The following PCDHA5 variants were observed in gnomAD, a reference collection of about 807,000 sequenced individuals.
PCDHA5 encodes protocadherin alpha-5.
Under a neutral mutation model 61.6 loss-of-function variants are expected in PCDHA5, and 43 were observed. The ratio of observed to expected loss-of-function variants is 0.70; its 90% CI spans 0.55 to 0.90. The LOEUF is 0.90. PCDHA5 is among the 40% of genes least tolerant of loss of function. The probability of loss-of-function intolerance (pLI) is 0.00; values close to 1 mark genes in which losing one functional copy is unlikely to be tolerated. For missense variants in PCDHA5, 1,298 were observed against 1,222.7 expected (o/e 1.06, Z -0.92); for synonymous variants, 627 against 543.9 (o/e 1.15, Z -2.13).
In PCDHA5 at chr5:140,857,765, G is replaced by A. The variant is rs374400381; in HGVS notation, c.2352+33638G>A. The stretch of plus-strand genomic sequence containing the variant: ...GCTGGCGTCTCCCGCTGGCAGCGCG[G>A]GCGGTGCAGTCAGTGAGCTGGTGCT... On this transcript the variant is annotated intron_variant, in intron 1 of 3. Coordinates refer to ENST00000529859, the MANE Select transcript of PCDHA5 (RefSeq NM_018908.3). The A allele has an allele frequency of 6.1e-5, 98 of 1,597,608 alleles. 8 individuals are homozygous for A. In the African/African-American group the frequency reaches 1.2e-3, roughly 19 times the overall value.
At chr5:140,929,268 A>G (rs1303371377) in intron 1 of PCDHA5, 1 of 1,611,476 alleles carries the variant, frequency 6.2e-7, no homozygotes, top group Non-Finnish European at 8.5e-7. Flanking sequence ...TGAATTTGCC[A>G]ATATCCTGTA....
intron 1 of PCDHA5, chr5:140,829,848 G>A (rs1406013217): frequency 6.2e-7 from 1 of 1,613,964 alleles, no homozygotes; most frequent in Admixed American, 1.7e-5. Flanking sequence ...CGGTCACTGG[G>A]TGCAGGCCAA....
chr5:140,852,688 T>G, intron 1 of PCDHA5: 1 of 971,908 alleles, frequency 1.0e-6, no homozygotes, highest in Non-Finnish European at 1.2e-6. Flanking sequence ...GAATATAGTC[T>G]TATACTTTCA....
intron 1 of PCDHA5, chr5:140,857,163 G>A: frequency 1.3e-6 from 2 of 1,598,406 alleles, no homozygotes; most frequent in Non-Finnish European, 1.7e-6. Flanking sequence ...GCCCTAATCA[G>A]CGTTTCTGAC....
rs183715022 is a variant in PCDHA5 at position 140,950,136 on chromosome 5, A to G, written c.2353-28813A>G. Among the ~76,000 whole-genome samples, 19 of 152,068 alleles carry G rather than the reference A, an allele frequency of 1.2e-4. No individual in the cohort carries two copies. The East Asian group carries it at 3.7e-3, about 29-fold the overall frequency. ...AATACAAAACCCACAAGACACAGTT[A>G]TAATTTTTGTTTAAGCAGTTATTAT... On this transcript the variant is annotated intron_variant, in intron 1 of 3. Transcript: ENST00000529859.
At chr5:140,829,438 T>C (rs2150167889) in intron 1 of PCDHA5, 279 of 1,613,934 alleles carry the variant, frequency 1.7e-4, no homozygotes, top group African/African-American at 8.9e-4. Context: ...CCGACATGAA[T>C]GACAATGCTC....
intron 1 of PCDHA5, chr5:140,856,495 T>C: frequency 6.3e-7 from 1 of 1,598,444 alleles, no homozygotes; most frequent in South Asian, 1.1e-5. Context: ...TGCTTGACTC[T>C]CGATTTCCAC....
At chr5:140,830,038 G>A (rs2150180087) in intron 1 of PCDHA5, 1 of 1,613,882 alleles carries the variant, frequency 6.2e-7, no homozygotes, top group Admixed American at 1.7e-5. Flanking sequence ...GGCTGCTGGT[G>A]CTGGTGAAAG....
At chr5:140,957,373 T>G (rs906109440) in intron 1 of PCDHA5, among the ~76,000 whole-genome samples, 1 of 152,192 alleles carries the variant, frequency 6.6e-6, no homozygotes, top group Non-Finnish European at 1.5e-5. Flanking sequence ...ACTTTTATTA[T>G]AGTGTATTGT....
At chr5:140,861,503 C>A in intron 1 of PCDHA5, 1 of 478,536 alleles carries the variant, frequency 2.1e-6, no homozygotes, top group Non-Finnish European at 4.3e-6. Context: ...TGATAGACCT[C>A]GAGGAGCTGT....
At chr5:140,866,951 G>C (rs1207354253) in intron 1 of PCDHA5, 1 of 152,106 alleles carries the variant, frequency 6.6e-6, no homozygotes, top group African/African-American at 2.4e-5. Flanking sequence ...CTAGGGGCTG[G>C]TTGAGATGGT....
intron 1 of PCDHA5, among the ~76,000 whole-genome samples, chr5:140,971,297 T>C (rs1246980755): frequency 4.6e-5 from 7 of 152,222 alleles, no homozygotes; most frequent in Non-Finnish European, 1.0e-4. Context: ...TGTACTTTGG[T>C]ACACAAACAT....
At chr5:140,977,342 T>A (rs1554238451) in intron 1 of PCDHA5, among the ~76,000 whole-genome samples, 1 of 152,222 alleles carries the variant, frequency 6.6e-6, no homozygotes, top group South Asian at 2.1e-4. Context: ...GAGACGGTGA[T>A]GATGACTGAT....
At chr5:140,839,582 G>T (rs965029185) in intron 1 of PCDHA5, among the ~76,000 whole-genome samples, 1 of 151,908 alleles carries the variant, frequency 6.6e-6, no homozygotes, top group Non-Finnish European at 1.5e-5. Context: ...TAGAGATGGG[G>T]TCTTACCATG....
In PCDHA5 at chr5:140,978,987, C is replaced by T; in HGVS notation, c.2391C>T (p.Ser797=). 4 of 1,614,162 alleles carry T rather than the reference C, an allele frequency of 2.5e-6. No homozygotes were observed. In the South Asian group the frequency reaches 3.3e-5, roughly 13 times the overall value. The change falls in exon 2 of 4, where the codon TCC becomes TCT. Residue 797 remains serine (S), a synonymous_variant. Transcript: ENST00000529859. ...QPNPDWRYSA[S]LRAGMHSSVH... ...ACCCTGACTGGCGTTACTCTGCCTC[C>T]CTGAGAGCAGGCATGCACAGGTATG...
chr5:140,868,942 C>T (rs1238492263), intron 1 of PCDHA5: 6 of 1,256,058 alleles, frequency 4.8e-6, no homozygotes, highest in African/African-American at 1.5e-5. Context: ...TTGGTCTGAA[C>T]AGTGAGGCAC....
At chr5:140,865,343 A>T (rs1386264377) in intron 1 of PCDHA5, 1 of 152,216 alleles carries the variant, frequency 6.6e-6, no homozygotes, top group Non-Finnish European at 1.5e-5. Flanking sequence ...AAGAAATAGT[A>T]TATTTACATA....
intron 2 of PCDHA5, among the ~76,000 whole-genome samples, chr5:140,981,130 CAA>C (rs1267278229): frequency 6.6e-6 from 1 of 152,186 alleles, no homozygotes; most frequent in East Asian, 1.9e-4. Flanking sequence ...TGTTTGAAGT[CAA>C]AGAGTGAGAA....
chr5:140,835,702 G>T, intron 1 of PCDHA5: 1 of 1,613,922 alleles, frequency 6.2e-7, no homozygotes, highest in South Asian at 1.1e-5. Context: ...GCCACTGCTA[G>T]CGTGTCCGTG....
Sources: allele counts gnomAD v4.1 joint callset (sites outside exome capture counted in the v4.1 genomes callset), GRCh38; gene constraint gnomAD v4.1.1; transcripts MANE v1.5; gene names NCBI Gene and HGNC (gene_info 2026-07-23, HGNC 2026-07-21).